CCDC150: variants seen among roughly 807,000 people sequenced by gnomAD.
The protein encoded by CCDC150 is coiled-coil domain-containing protein 150.
CCDC150 carries 151 observed loss-of-function variants against 156.5 expected under a neutral mutation model. The ratio of observed to expected loss-of-function variants is 0.97; its 90% CI spans 0.85 to 1.10. The LOEUF (loss-of-function observed/expected upper bound fraction) is 1.10. Among genes scored for constraint, CCDC150 ranks in the 50% least tolerant of loss-of-function variants. CCDC150 has a pLI of 0.00. For missense variants in CCDC150, 1,312 were observed against 1,268.1 expected (o/e 1.03, Z -0.53); for synonymous variants, 452 against 429.4 (o/e 1.05, Z -0.65).
chr2:196,732,491 C>T lies in CCDC150; in HGVS notation c.3235C>T (p.His1079Tyr). Residue 1079 changes from histidine to tyrosine, a missense_variant, in exon 28 of 28, where the codon CAT (histidine) becomes TAT (tyrosine). Transcript: ENST00000389175. ...TGTCATGTCCAACCAATCTGTTCTG[C>T]ATCGATGGGAGAGAAAACAGAATCT... The part of the protein sequence containing the change: ...HDVMSNQSVL[H>Y]RWERKQNLRP... 1 of 1,613,746 alleles carries T rather than the reference C, an allele frequency of 6.2e-7. No homozygotes were observed. The highest frequency in any genetic ancestry group is 8.5e-7 in the Non-Finnish European group (1 of 1,179,748).
intron 15 of CCDC150, among the ~76,000 whole-genome samples, chr2:196,708,621 G>C (rs13022522): frequency 0.2 from 30,690 of 152,124 alleles, 3,976 homozygotes; most frequent in Middle Eastern, 0.32. Flanking sequence ...TTGCAATTTG[G>C]CATGTTTTTG....
chr2:196,639,731 G>A lies in CCDC150; in HGVS notation c.-36G>A. 6.5e-7 allele frequency: 1 copy of A among 1,529,908 alleles called. No individual in the cohort carries two copies. Among genetic ancestry groups the A allele is most frequent in the South Asian group, 1.3e-5 (1 of 78,968 alleles). The allele number at this position is 1,529,908 out of a possible 1,614,324, so 94.8% of individuals were successfully genotyped here. On this transcript the variant is annotated 5_prime_UTR_variant, in exon 1 of 28. Coordinates refer to ENST00000389175, the MANE Select transcript of CCDC150 (RefSeq NM_001080539.2). ...TGCTGTGTTAGTTCCACGGAAACCC[G>A]CTCGCCTGCTGCAGTACGGAGCCTC...
intron 2 of CCDC150, 23 bp from the exon 3 acceptor site, chr2:196,656,610 G>T: frequency 6.6e-7 from 1 of 1,517,134 alleles, no homozygotes; most frequent in Non-Finnish European, 9.0e-7. Context: ...GCATAATATT[G>T]TTATATTGGG....
At position 196,657,299 on chromosome 2, in the gene CCDC150, T is replaced by C. The variant is rs1172653893; in HGVS notation, c.576+163T>C. 25 of 643,270 alleles carry C rather than the reference T, an allele frequency of 3.9e-5. 1 individual carries two copies. The highest frequency in any genetic ancestry group is 5.8e-5 in the Non-Finnish European group (22 of 376,138). The allele number at this position is 643,270 out of a possible 1,614,324, so 39.8% of individuals were successfully genotyped here. ...TTGAGGATTCTTGGCCTATGACATT[T>C]GCACTGATAACCTAAACCACTGTGT... On this transcript the variant is annotated intron_variant, in intron 4 of 27. Transcript: ENST00000389175.
intron 13 of CCDC150, among the ~76,000 whole-genome samples, chr2:196,682,326 G>A (rs764610590): frequency 8.6e-5 from 13 of 151,834 alleles, no homozygotes; most frequent in Non-Finnish European, 2.9e-5. Flanking sequence ...TATGTCTGTC[G>A]TTATGCTAAT....
chr2:196,722,192 C>T (rs552941470), intron 21 of CCDC150, among the ~76,000 whole-genome samples: 6 of 152,118 alleles, frequency 3.9e-5, no homozygotes, highest in Non-Finnish European at 8.8e-5. Context: ...AATTATACCT[C>T]GGTAAATATT....
intron 15 of CCDC150, among the ~76,000 whole-genome samples, chr2:196,701,386 A>G (rs1254397455): frequency 6.6e-6 from 1 of 152,224 alleles, no homozygotes; most frequent in African/African-American, 2.4e-5. Flanking sequence ...TGTGAAGCCA[A>G]AACCCATTCT....
intron 17 of CCDC150, among the ~76,000 whole-genome samples, chr2:196,715,003 T>C (rs12997060): frequency 0.54 from 82,523 of 152,062 alleles, 27,577 homozygotes; most frequent in East Asian, 0.92. Context: ...TTTTATAACG[T>C]TGAGGTAGAT....
intron 14 of CCDC150, among the ~76,000 whole-genome samples, chr2:196,698,814 A>G (rs1695986251): frequency 2.0e-5 from 3 of 152,142 alleles, no homozygotes; most frequent in African/African-American, 7.2e-5. Flanking sequence ...AACATTAGGT[A>G]TATCTCCTAA....
At chr2:196,683,958 T>C (rs1202298816) in intron 13 of CCDC150, among the ~76,000 whole-genome samples, 1 of 152,036 alleles carries the variant, frequency 6.6e-6, no homozygotes, top group Non-Finnish European at 1.5e-5. Flanking sequence ...AGAACCAACT[T>C]GTGGAAGTTT....
At chr2:196,640,548 AT>A (rs1692153940) in intron 1 of CCDC150, among the ~76,000 whole-genome samples, 1 of 152,240 alleles carries the variant, frequency 6.6e-6, no homozygotes, top group Admixed American at 6.5e-5. Context: ...GGTATCTTTC[AT>A]GTTTTAAATT....
At chr2:196,690,079 C>T (rs896987476) in intron 13 of CCDC150, among the ~76,000 whole-genome samples, 1 of 152,000 alleles carries the variant, frequency 6.6e-6, no homozygotes, top group Non-Finnish European at 1.5e-5. Context: ...TTTGTAGGGA[C>T]ATGGATGAAA....
chr2:196,677,749 G>A (rs1694598772), intron 13 of CCDC150, among the ~76,000 whole-genome samples: 1 of 152,194 alleles, frequency 6.6e-6, no homozygotes, highest in African/African-American at 2.4e-5. Context: ...CCAGCACTTT[G>A]GGAGGCCAAG....
chr2:196,659,448 A>G lies in CCDC150; in HGVS notation c.645+588A>G, dbSNP rs145050184. On this transcript the variant is annotated intron_variant, in intron 5 of 27. Transcript: ENST00000389175. ...TGTTAGTTCAAATCTAATGGGTCAA[A>G]TTATATTTAAAAGATTCTGTTAATA... Among the ~76,000 whole-genome samples the G allele has an allele frequency of 1.1e-4, 17 of 152,314 alleles. No homozygotes were observed. In the East Asian group the frequency reaches 2.9e-3, roughly 26 times the overall value.
chr2:196,706,476 C>T lies in CCDC150; in HGVS notation c.1695+5296C>T, dbSNP rs549596391. 8.8e-4 allele frequency among the ~76,000 whole-genome samples: 134 copies of T among 152,282 alleles called. 1 individual carries two copies. Among genetic ancestry groups the T allele is most frequent in the Non-Finnish European group, 1.4e-3 (98 of 68,032 alleles). On this transcript the variant is annotated intron_variant, in intron 15 of 27. Transcript: ENST00000389175. Reference sequence around the variant, plus strand: ...TCTGCAAACAGGGACAATTTGACTTCCTCTTTTCCTAATTGAATACCCTTT... The same window carrying T: ...TCTGCAAACAGGGACAATTTGACTTTCTCTTTTCCTAATTGAATACCCTTT...
intron 13 of CCDC150, among the ~76,000 whole-genome samples, chr2:196,681,709 G>C (rs1487293759): frequency 6.6e-6 from 1 of 152,104 alleles, no homozygotes; most frequent in Non-Finnish European, 1.5e-5. Flanking sequence ...TATTTCCATA[G>C]TAACTAATGA....
At chr2:196,672,460 G>A in intron 9 of CCDC150, 23 bp downstream of exon 9, 2 of 1,252,496 alleles carry the variant, frequency 1.6e-6, no homozygotes, top group African/African-American at 3.1e-5. Context: ...GATTTTGTTA[G>A]TTTTTAGATG....
Position 196,676,691 on chromosome 2 carries a change from A to G in CCDC150, c.1400A>G (p.Lys467Arg). 1.9e-6 allele frequency: 3 copies of G among 1,613,854 alleles called. No homozygotes were observed. The highest frequency in any genetic ancestry group is 1.1e-5 in the South Asian group (1 of 91,072). Residue 467 changes from lysine to arginine, a missense_variant, in exon 12 of 28, where the codon AAG (lysine) becomes AGG (arginine). Transcript: ENST00000389175. ...RGELEASMQE[K>R]KSLLEEKERF... ...GAATTGGAAGCATCAATGCAAGAGA[A>G]GAAGTCTCTGCTAGAGGAGAAAGAA...
chr2:196,663,533 A>T (rs6705762), intron 5 of CCDC150, among the ~76,000 whole-genome samples: 115,257 of 151,926 alleles, frequency 0.76, 43,827 homozygotes, highest in East Asian at 0.84. Context: ...TGAAAAAAGA[A>T]TCTTATAGGA....
Sources: allele counts gnomAD v4.1 joint callset (sites outside exome capture counted in the v4.1 genomes callset), GRCh38; gene constraint gnomAD v4.1.1; transcripts MANE v1.5; gene names NCBI Gene and HGNC (gene_info 2026-07-23, HGNC 2026-07-21).